UAP1: variants seen among roughly 807,000 people sequenced by gnomAD.
UAP1 encodes the protein UDP-N-acetylglucosamine pyrophosphorylase 1.
A neutral mutation model predicts 58.5 loss-of-function variants in UAP1; 25 were observed. The observed-to-expected ratio is 0.43, with a 90% CI of 0.31 to 0.60. The LOEUF is 0.60. UAP1 is among the 20% of genes least tolerant of loss of function. The pLI is 0.11. For missense variants in UAP1, 575 were observed against 630.0 expected, an observed-to-expected ratio of 0.91 and a Z score of 0.93; for synonymous variants, 208 against 213.0, an observed-to-expected ratio of 0.98 and a Z score of 0.21.
chr1:162,571,224 G>A (rs905666985), intron 2 of UAP1, among the ~76,000 whole-genome samples: 1 of 151,714 alleles, frequency 6.6e-6, no homozygotes, highest in Admixed American at 6.6e-5. Flanking sequence ...TGCCTCCCAG[G>A]TTCAAGCCAT....
chr1:162,588,978 C>T, intron 7 of UAP1, 145 bp downstream of exon 7: 1 of 769,182 alleles, frequency 1.3e-6, no homozygotes. Flanking sequence ...AGTCTAGATT[C>T]ATTATAGTTC....
At chr1:162,577,434 C>CTTTTT (rs1557970274) in intron 3 of UAP1, among the ~76,000 whole-genome samples, 24 of 138,220 alleles carry the variant, frequency 1.7e-4, no homozygotes, top group African/African-American at 6.3e-4. Flanking sequence ...TAGTTCCTTC[C>CTTTTT]CTTTTTTTTT....
intron 9 of UAP1, among the ~76,000 whole-genome samples, chr1:162,594,052 A>G (rs1655482749): frequency 6.6e-6 from 1 of 152,210 alleles, no homozygotes. Flanking sequence ...TGTGGAAGAC[A>G]ATTTTTCCAC....
At chr1:162,566,397 A>G in intron 2 of UAP1, 49 bp downstream of exon 2, 1 of 1,546,520 alleles carries the variant, frequency 6.5e-7, no homozygotes, top group Non-Finnish European at 8.8e-7. Context: ...GAGATATACT[A>G]AAATTGTTCA....
intron 2 of UAP1, among the ~76,000 whole-genome samples, chr1:162,571,890 T>C (rs938541080): frequency 1.3e-5 from 2 of 152,246 alleles, no homozygotes; most frequent in Non-Finnish European, 2.9e-5. Flanking sequence ...CTGTGAACAA[T>C]AGCTGTAGCT....
At chr1:162,595,657 A>C (rs1655578793) in intron 9 of UAP1, among the ~76,000 whole-genome samples, 1 of 152,192 alleles carries the variant, frequency 6.6e-6, no homozygotes, top group Non-Finnish European at 1.5e-5. Flanking sequence ...TTAGTATCCT[A>C]GGTGCTGAAG....
intron 10 of UAP1, among the ~76,000 whole-genome samples, chr1:162,598,183 A>G (rs1302021493): frequency 2.0e-5 from 3 of 152,158 alleles, no homozygotes; most frequent in Non-Finnish European, 2.9e-5. Context: ...CCTGGGCAAT[A>G]TAGTGAGACC....
At chr1:162,574,546 G>A (rs140007470) in intron 2 of UAP1, among the ~76,000 whole-genome samples, 30 of 152,330 alleles carry the variant, frequency 2.0e-4, no homozygotes, top group African/African-American at 6.7e-4. Context: ...TGACTGCGTC[G>A]TCTGGCTTAG....
intron 2 of UAP1, among the ~76,000 whole-genome samples, chr1:162,571,951 C>G (rs1653891382): frequency 6.6e-6 from 1 of 152,198 alleles, no homozygotes; most frequent in Non-Finnish European, 1.5e-5. Context: ...GAACTGCTGC[C>G]TTTTCTCTTG....
At chr1:162,590,640 T>C in intron 8 of UAP1, 129 bp downstream of exon 8, 1 of 593,154 alleles carries the variant, frequency 1.7e-6, no homozygotes, top group East Asian at 3.2e-5. Flanking sequence ...TGTGAACAGT[T>C]CCTGATGTGA....
At chr1:162,589,450 G>A (rs1470961274) in intron 7 of UAP1, among the ~76,000 whole-genome samples, 7 of 149,888 alleles carry the variant, frequency 4.7e-5, no homozygotes, top group Non-Finnish European at 5.9e-5. Flanking sequence ...ACTACGCCCC[G>A]CCTTGGTCTC....
chr1:162,571,489 T>A (rs1244253568), intron 2 of UAP1, among the ~76,000 whole-genome samples: 1 of 152,178 alleles, frequency 6.6e-6, no homozygotes, highest in Non-Finnish European at 1.5e-5. Flanking sequence ...AGGAAAATTA[T>A]TAACCCTTAT....
At chr1:162,575,462 T>A (rs1223422422) in intron 2 of UAP1, among the ~76,000 whole-genome samples, 2 of 151,976 alleles carry the variant, frequency 1.3e-5, no homozygotes, top group Non-Finnish European at 2.9e-5. Flanking sequence ...GAGAAAGAGT[T>A]TTACTGTCAC....
chr1:162,571,329 C>T (rs1462370546), intron 2 of UAP1, among the ~76,000 whole-genome samples: 1 of 151,974 alleles, frequency 6.6e-6, no homozygotes, highest in Non-Finnish European at 1.5e-5. Flanking sequence ...GGGGTTTCAA[C>T]ATGTTGGCCC....
intron 2 of UAP1, among the ~76,000 whole-genome samples, chr1:162,573,958 TGTC>T (rs1276351841): frequency 6.6e-6 from 1 of 151,406 alleles, no homozygotes; most frequent in Non-Finnish European, 1.5e-5. Context: ...TGTGAGACTC[TGTC>T]TCAAAAAAAA....
At chr1:162,563,305 C>T (rs2101718410) in intron 1 of UAP1, among the ~76,000 whole-genome samples, 1 of 152,182 alleles carries the variant, frequency 6.6e-6, no homozygotes, top group Admixed American at 6.5e-5. Context: ...TAGATGAACA[C>T]ATGTTACCAG....
chr1:162,570,060 G>A (rs898540212), intron 2 of UAP1, among the ~76,000 whole-genome samples: 3 of 151,602 alleles, frequency 2.0e-5, no homozygotes, highest in African/African-American at 4.8e-5. Flanking sequence ...GAGGCAGGAG[G>A]ATGGTGTAAA....
intron 6 of UAP1, 98 bp from the exon 7 acceptor site, chr1:162,588,595 A>G (rs1655060621): frequency 1.6e-6 from 2 of 1,266,426 alleles, no homozygotes; most frequent in Non-Finnish European, 1.1e-6. Context: ...TGAAAATCTT[A>G]GTATTGGTTG....
rs541474791 is a variant in UAP1 at position 162,570,221 on chromosome 1, C to T, written c.280+3873C>T. 2.0e-5 allele frequency among the ~76,000 whole-genome samples: 3 copies of T among 152,052 alleles called. No individual in the cohort carries two copies. The South Asian group carries it at 6.2e-4, about 32-fold the overall frequency. Reference sequence around the variant, plus strand: ...AAATTACAAAGGAAAAAATACTAATCTCTCTGATTCCACCATACAGAGATA... The same window carrying T: ...AAATTACAAAGGAAAAAATACTAATTTCTCTGATTCCACCATACAGAGATA... On this transcript the variant is annotated intron_variant, in intron 2 of 10. Transcript: ENST00000271469.
Sources: allele counts gnomAD v4.1 joint callset (sites outside exome capture counted in the v4.1 genomes callset), GRCh38; gene constraint gnomAD v4.1.1; transcripts MANE v1.5; gene names NCBI Gene and HGNC (gene_info 2026-07-23, HGNC 2026-07-21).